VCAM1: variants seen among roughly 807,000 people sequenced by gnomAD.
VCAM1 encodes vascular cell adhesion molecule 1.
VCAM1 carries 41 observed loss-of-function variants against 63.8 expected under a neutral mutation model. The ratio of observed to expected loss-of-function variants is 0.64; its 90% confidence interval spans 0.50 to 0.83. The LOEUF (loss-of-function observed/expected upper bound fraction) is 0.83. VCAM1 is among the 40% of genes least tolerant of loss of function. The pLI is 0.00. For missense variants in VCAM1, 798 were observed against 875.5 expected (o/e 0.91, Z 1.12); for synonymous variants, 338 against 320.7 (o/e 1.05, Z -0.58).
Position 100,724,653 on chromosome 1 carries a change from A to G in VCAM1, c.691A>G (p.Asn231Asp). The G allele has an allele frequency of 6.2e-7, 1 of 1,612,956 alleles. No individual in the cohort carries two copies. The highest frequency in any genetic ancestry group is 8.5e-7 in the Non-Finnish European group (1 of 1,179,330). ...ACCCAAGAATACAGTTATTTCTGTG[A>G]ATCCATCCACAAAGCTGCAAGAAGG... ...ISPKNTVISV[N>D]PSTKLQEGGS... Residue 231 changes from asparagine (N) to aspartate (D), a missense_variant, in exon 4 of 9, where the codon AAT (asparagine) becomes GAT (aspartate). Coordinates refer to ENST00000294728, the MANE Select transcript of VCAM1 (RefSeq NM_001078.4).
intron 3 of VCAM1, 123 bp downstream of exon 3, chr1:100,723,463 T>G (rs1407660069): frequency 2.0e-6 from 2 of 1,018,258 alleles, no homozygotes; most frequent in Non-Finnish European, 2.8e-6. Context: ...TCCATTTGTA[T>G]TCATTCACAA....
At position 100,731,810 on chromosome 1, in the gene VCAM1, G is replaced by C. The variant is rs1660469909; in HGVS notation, c.1525+292G>C. 6.6e-6 allele frequency among the ~76,000 whole-genome samples: 1 copy of C among 152,150 alleles called. No individual in the cohort carries two copies. Among genetic ancestry groups the C allele is most frequent in the Admixed American group, 6.6e-5 (1 of 15,264 alleles). On this transcript the variant is annotated intron_variant, in intron 6 of 8. Transcript: ENST00000294728. The surrounding 1 kb of genome is among the most constrained non-coding windows in gnomAD (Gnocchi z 4.2). ...CACTCGTGCATTTTCAGTAAGGTTAGCAGGGCTGGCTGGTCTCAGATGACT... is the reference window on the plus strand; with the variant it reads ...CACTCGTGCATTTTCAGTAAGGTTACCAGGGCTGGCTGGTCTCAGATGACT...
At chr1:100,720,024 A>G in intron 1 of VCAM1, 100 bp downstream of exon 1, 1 of 1,289,886 alleles carries the variant, frequency 7.8e-7, no homozygotes, top group Non-Finnish European at 1.1e-6. Flanking sequence ...TAAAGACACT[A>G]GGATTTTAAA....
Position 100,729,329 on chromosome 1 carries a change from C to T in VCAM1, c.1151C>T (p.Thr384Ile). The T allele has an allele frequency of 6.2e-7, 1 of 1,612,804 alleles. No individual in the cohort carries two copies. Among genetic ancestry groups the T allele is most frequent in the Non-Finnish European group, 8.5e-7 (1 of 1,179,350 alleles). Residue 384 changes from threonine to isoleucine, a missense_variant, in exon 5 of 9, where the codon ACA (threonine) becomes ATA (isoleucine). Transcript: ENST00000294728. ...SFENEHSYLC[T>I]VTCGHKKLEK... ...GAGAACGAACACTCTTATCTGTGCA[C>T]AGTGACTTGTGGACATAAGAAACTG...
At chr1:100,726,914 C>A (rs1214337750) in intron 4 of VCAM1, among the ~76,000 whole-genome samples, 4 of 152,070 alleles carry the variant, frequency 2.6e-5, no homozygotes, top group Non-Finnish European at 5.9e-5. Context: ...ATAATCCCAG[C>A]ACTTTGGGAG....
rs750144227 is a variant in VCAM1, at chr1:100,729,201, A to G, written c.1023A>G (p.Glu341=). The G allele has an allele frequency of 2.0e-5, 33 of 1,613,608 alleles. 1 individual carries two copies. In the South Asian group the frequency reaches 3.5e-4, roughly 17 times the overall value. ...TGACATGTAGTGTCATGGGCTGTGA[A>G]TCCCCATCTTTCTCCTGGAGAACCC... ...VMLTCSVMGC[E]SPSFSWRTQI... Residue 341 remains glutamate (E), a synonymous_variant, in exon 5 of 9, where the codon GAA becomes GAG. Coordinates refer to ENST00000294728, the MANE Select transcript of VCAM1 (RefSeq NM_001078.4).
intron 8 of VCAM1, chr1:100,737,434 A>G (rs577471825): frequency 6.6e-6 from 1 of 152,266 alleles, no homozygotes; most frequent in South Asian, 2.1e-4. Context: ...CTTAATTTAG[A>G]ATGAGGGAGA....
At chr1:100,722,210 G>A (rs1460417227) in intron 2 of VCAM1, among the ~76,000 whole-genome samples, 1 of 152,050 alleles carries the variant, frequency 6.6e-6, no homozygotes, top group Non-Finnish European at 1.5e-5. Context: ...AGGAGGCAAT[G>A]GCCACGTGAA....
Position 100,732,542 on chromosome 1 carries a change from C to A in VCAM1, c.1650C>A (p.Leu550=). The A allele has an allele frequency of 6.2e-7, 1 of 1,612,936 alleles. No homozygotes were observed. The highest frequency in any genetic ancestry group is 1.7e-5 in the Admixed American group (1 of 59,760). The change falls in exon 7 of 9, where the codon CTC becomes CTA. Residue 550 remains leucine (L), a synonymous_variant. Coordinates refer to ENST00000294728, the MANE Select transcript of VCAM1 (RefSeq NM_001078.4). ...CGAAAATCCTGTGGAGCAGGCAGCT[C>A]CCTAACGGGGAGCTACAGCCTCTTT... ...PAPKILWSRQ[L]PNGELQPLSE... is the part of the protein sequence containing the mutation.
chr1:100,737,294 C>A (rs965982788), intron 8 of VCAM1: 1 of 152,010 alleles, frequency 6.6e-6, no homozygotes, highest in African/African-American at 2.4e-5. Flanking sequence ...ATATACATGT[C>A]TTGATGTAAT....
intron 7 of VCAM1, among the ~76,000 whole-genome samples, chr1:100,733,526 C>A (rs1034767017): frequency 2.6e-5 from 4 of 152,084 alleles, no homozygotes; most frequent in African/African-American, 9.7e-5. Context: ...AACAAAAAAA[C>A]CTTTTGGATG....
chr1:100,725,558 A>G (rs1660133237), intron 4 of VCAM1, among the ~76,000 whole-genome samples: 2 of 152,020 alleles, frequency 1.3e-5, no homozygotes, highest in Non-Finnish European at 2.9e-5. Context: ...TGTACACCTA[A>G]TATTTCCCAG....
chr1:100,735,561 G>A (rs1275431508), intron 8 of VCAM1: 2 of 152,286 alleles, frequency 1.3e-5, no homozygotes, highest in African/African-American at 4.8e-5. Context: ...AGTCTTAAGA[G>A]GTCTGGCACT....
chr1:100,724,762 T>C lies in VCAM1; in HGVS notation c.800T>C (p.Leu267Pro), dbSNP rs1660098926. ...FWSKKLDNGN[L>P]QHLSGNATLT... is the part of the protein sequence containing the mutation. ...AGTAAGAAATTAGATAATGGGAATCTACAGCACCTTTCTGGAAATGCAACT... is the reference window on the plus strand; with the variant it reads ...AGTAAGAAATTAGATAATGGGAATCCACAGCACCTTTCTGGAAATGCAACT... Residue 267 changes from leucine to proline, a missense_variant, in exon 4 of 9, where the codon CTA becomes CCA. By Grantham distance (98) the Leu-to-Pro change is moderately conservative. Coordinates refer to ENST00000294728, the MANE Select transcript of VCAM1 (RefSeq NM_001078.4). 1 of 1,612,996 alleles carries C rather than the reference T, an allele frequency of 6.2e-7. No individual in the cohort carries two copies. The highest frequency in any genetic ancestry group is 1.3e-5 in the African/African-American group (1 of 74,880).
Position 100,729,178 on chromosome 1 carries a change from A to G in VCAM1, c.1000A>G (p.Thr334Ala). The G allele has an allele frequency of 6.2e-7, 1 of 1,613,332 alleles. No homozygotes were observed. ...AAQIGDSVML[T>A]CSVMGCESPS... ...TCAGATTGGAGACTCAGTCATGTTG[A>G]CATGTAGTGTCATGGGCTGTGAATC... The change falls in exon 5 of 9, where the codon ACA (threonine) becomes GCA (alanine). Residue 334 changes from threonine to alanine, a missense_variant. Physicochemically the swap from Thr to Ala is moderately conservative, Grantham distance 58. Coordinates refer to ENST00000294728, the MANE Select transcript of VCAM1 (RefSeq NM_001078.4).
rs1660759015 is a variant in VCAM1 at position 100,739,024 on chromosome 1, G to C, written c.*741G>C. 6.6e-6 allele frequency: 1 copy of C among 152,136 alleles called. No individual in the cohort carries two copies. The highest frequency in any genetic ancestry group is 1.5e-5 in the Non-Finnish European group (1 of 68,016). The allele number at this position is 152,136 out of a possible 1,614,324, so 9.4% of individuals were successfully genotyped here. On this transcript the variant is annotated 3_prime_UTR_variant, in exon 9 of 9. Transcript: ENST00000294728. The stretch of plus-strand genomic sequence containing the variant: ...TGTTTAGGTTTTTTTGTATAGTAAA[G>C]TGATAATTTCTGGAATTAGAATGGT...
chr1:100,721,744 A>G (rs184117906), intron 2 of VCAM1, among the ~76,000 whole-genome samples: 7 of 152,160 alleles, frequency 4.6e-5, no homozygotes, highest in African/African-American at 1.4e-4. Context: ...TGCATAGTTT[A>G]TGTCTGTGCA....
At position 100,732,444 on chromosome 1, in the gene VCAM1, G is replaced by A; in HGVS notation, c.1552G>A (p.Val518Ile). The change falls in exon 7 of 9, where the codon GTC becomes ATC. Residue 518 changes from valine (V) to isoleucine (I), a missense_variant. Val to Ile is a conservative substitution (Grantham distance 29, BLOSUM62 3). Transcript: ENST00000294728. ...NVAPRDTTVLVSPSSILEEGS... is the reference protein window; with the variant it reads ...NVAPRDTTVLISPSSILEEGS... ...TGCCCCCAGAGATACAACCGTCTTG[G>A]TCAGCCCTTCCTCCATCCTGGAGGA... The A allele has an allele frequency of 6.3e-7, 1 of 1,591,264 alleles. No individual in the cohort carries two copies. The highest frequency in any genetic ancestry group is 1.4e-5 in the African/African-American group (1 of 73,608).
intron 7 of VCAM1, among the ~76,000 whole-genome samples, chr1:100,734,067 G>A (rs1246586737): frequency 2.0e-5 from 3 of 152,164 alleles, no homozygotes; most frequent in Non-Finnish European, 4.4e-5. Context: ...GAGTGAGGAA[G>A]TGCCACACTT....
Sources: allele counts gnomAD v4.1 joint callset (sites outside exome capture counted in the v4.1 genomes callset), GRCh38; gene constraint gnomAD v4.1.1; non-coding constraint Gnocchi (gnomAD v3.1); transcripts MANE v1.5; gene names NCBI Gene and HGNC (gene_info 2026-07-23, HGNC 2026-07-21).